PRKCE: variants seen among roughly 807,000 people sequenced by gnomAD.
PRKCE encodes protein kinase C epsilon type.
Under a neutral mutation model 85.4 loss-of-function variants are expected in PRKCE, and 16 were observed. The observed-to-expected ratio is 0.19, with a 90% CI of 0.13 to 0.28. The LOEUF (loss-of-function observed/expected upper bound fraction) is 0.28, where lower values mean the gene tolerates loss of function less well. Among genes scored for constraint, PRKCE ranks in the 10% least tolerant of loss-of-function variants. The pLI is 1.00. For missense variants in PRKCE, 573 were observed against 975.2 expected, an observed-to-expected ratio of 0.59 and a Z score of 5.49; for synonymous variants, 388 against 371.5, an observed-to-expected ratio of 1.04 and a Z score of -0.51.
chr2:45,660,167 T>C (rs1408701057), intron 1 of PRKCE, among the ~76,000 whole-genome samples: 3 of 152,230 alleles, frequency 2.0e-5, no homozygotes, highest in African/African-American at 7.2e-5. Flanking sequence ...AAGTTGTGTA[T>C]GTGTAGTTCC....
At chr2:45,925,863 C>A (rs1698577860) in intron 2 of PRKCE, among the ~76,000 whole-genome samples, 1 of 152,190 alleles carries the variant, frequency 6.6e-6, no homozygotes, top group African/African-American at 2.4e-5. Flanking sequence ...TGAGCTAGGA[C>A]TCAAAGGTTT....
Position 45,884,986 on chromosome 2 carries a change from TA to T in PRKCE, c.412+41924del, listed in dbSNP as rs56354127. 4.1e-3 allele frequency among the ~76,000 whole-genome samples: 364 copies of T among 87,968 alleles called. 24 individuals carry two copies. Among genetic ancestry groups the T allele is most frequent in the Admixed American group, 9.1e-3 (65 of 7,140 alleles). The allele number at this position is 87,968 out of a possible 152,430, so 57.7% of individuals were successfully genotyped here. ...ATATATATATATATATATATATATATATATATATATATATATTTGTTGTTGT... is the reference window on the plus strand; with the variant it reads ...ATATATATATATATATATATATATATTATATATATATATATTTGTTGTTGT... On this transcript the variant is annotated intron_variant, in intron 2 of 14. Coordinates refer to ENST00000306156, the MANE Select transcript of PRKCE (RefSeq NM_005400.3).
At chr2:45,763,867 G>A (rs1558646075) in intron 1 of PRKCE, among the ~76,000 whole-genome samples, 1 of 152,184 alleles carries the variant, frequency 6.6e-6, no homozygotes, top group East Asian at 1.9e-4. Context: ...TGAACAGATT[G>A]GGAGCTTTGG....
chr2:45,763,180 T>C (rs1458494476), intron 1 of PRKCE, among the ~76,000 whole-genome samples: 1 of 152,152 alleles, frequency 6.6e-6, no homozygotes, highest in Non-Finnish European at 1.5e-5. Flanking sequence ...GGTCTTGGTC[T>C]CCTGACCTCG....
chr2:46,169,546 C>T (rs890994448), intron 14 of PRKCE, among the ~76,000 whole-genome samples: 1 of 152,078 alleles, frequency 6.6e-6, no homozygotes, highest in Non-Finnish European at 1.5e-5. Flanking sequence ...AAGAGGGTGG[C>T]AAATGGCTAG....
chr2:45,811,953 A>C (rs7567136), intron 1 of PRKCE, among the ~76,000 whole-genome samples: 138,920 of 152,290 alleles, frequency 0.91, 63,379 homozygotes, highest in Admixed American at 0.93. Context: ...TTTACTCATT[A>C]ATCCATTCAT....
intron 1 of PRKCE, among the ~76,000 whole-genome samples, chr2:45,658,398 G>C (rs910958341): frequency 1.3e-5 from 2 of 152,142 alleles, no homozygotes; most frequent in African/African-American, 2.4e-5. Flanking sequence ...AGCGTTGTTT[G>C]AACTGTTTCT....
intron 1 of PRKCE, among the ~76,000 whole-genome samples, chr2:45,819,520 A>C (rs1423602832): frequency 6.6e-6 from 1 of 152,190 alleles, no homozygotes; most frequent in Non-Finnish European, 1.5e-5. Flanking sequence ...CTGTGGTTTC[A>C]GGGATGATTC....
chr2:45,976,034 C>T (rs1186175748), intron 2 of PRKCE, among the ~76,000 whole-genome samples: 1 of 152,202 alleles, frequency 6.6e-6, no homozygotes, highest in East Asian at 1.9e-4. Context: ...CTCAGATGCT[C>T]AGGGGGAGGA....
intron 1 of PRKCE, among the ~76,000 whole-genome samples, chr2:45,729,194 A>G (rs1039495402): frequency 2.0e-5 from 3 of 152,178 alleles, no homozygotes; most frequent in Non-Finnish European, 4.4e-5. Flanking sequence ...ATACCACGTC[A>G]CTTATACCAG....
chr2:45,903,699 C>T (rs1278446867), intron 2 of PRKCE, among the ~76,000 whole-genome samples: 1 of 152,096 alleles, frequency 6.6e-6, no homozygotes, highest in Non-Finnish European at 1.5e-5. Flanking sequence ...GACACACAGA[C>T]CAGAAAGTGA....
intron 2 of PRKCE, among the ~76,000 whole-genome samples, chr2:45,971,176 C>T (rs1198234177): frequency 6.6e-6 from 1 of 152,126 alleles, no homozygotes; most frequent in Non-Finnish European, 1.5e-5. Flanking sequence ...CCTGATTCCT[C>T]CTTTCTCCCA....
chr2:45,976,301 C>T (rs1374139246), intron 2 of PRKCE, 128 bp from the exon 3 acceptor site: 3 of 1,116,280 alleles, frequency 2.7e-6, no homozygotes, highest in South Asian at 1.5e-5. Flanking sequence ...TCCCTCCACA[C>T]ACAAAGGCTA....
intron 2 of PRKCE, among the ~76,000 whole-genome samples, chr2:45,972,365 A>T (rs995825807): frequency 6.6e-6 from 1 of 152,016 alleles, no homozygotes; most frequent in Non-Finnish European, 1.5e-5. Flanking sequence ...TTGGATATTA[A>T]CCCTTTCTCA....
intron 10 of PRKCE, among the ~76,000 whole-genome samples, chr2:46,014,829 A>G (rs1333832525): frequency 2.0e-5 from 3 of 152,224 alleles, no homozygotes; most frequent in African/African-American, 7.2e-5. Flanking sequence ...GGCATTTGCA[A>G]GAGGGTAGGG....
At chr2:45,800,460 C>T (rs1687772341) in intron 1 of PRKCE, among the ~76,000 whole-genome samples, 2 of 152,224 alleles carry the variant, frequency 1.3e-5, no homozygotes, top group South Asian at 2.1e-4. Flanking sequence ...AGACCTGTGG[C>T]ACCTGGCAGG....
chr2:45,717,840 C>T (rs757234910), intron 1 of PRKCE, among the ~76,000 whole-genome samples: 9 of 152,120 alleles, frequency 5.9e-5, no homozygotes, highest in Non-Finnish European at 8.8e-5. Flanking sequence ...GGGCAGAGGA[C>T]GGGGTAGAGG....
rs1039684422 is a variant in PRKCE at position 45,976,328 on chromosome 2, G to T, written c.413-101G>T. The T allele has an allele frequency of 8.5e-5, 118 of 1,391,902 alleles. 1 individual carries two copies. Among genetic ancestry groups the T allele is most frequent in the Non-Finnish European group, 1.0e-4 (105 of 1,020,990 alleles). 86.2% of individuals were successfully genotyped at this position (1,391,902 alleles called of 1,614,324 possible). ...CAAAGGCTACCTCTCACCCACCCCA[G>T]CTCCACTCCCCCAGGGATGGAGTAG... On this transcript the variant is annotated intron_variant, in intron 2 of 14. Coordinates refer to ENST00000306156, the MANE Select transcript of PRKCE (RefSeq NM_005400.3).
chr2:45,900,662 G>A (rs1203950746), intron 2 of PRKCE, among the ~76,000 whole-genome samples: 1 of 152,204 alleles, frequency 6.6e-6, no homozygotes, highest in African/African-American at 2.4e-5. Flanking sequence ...TTCAGTTTGG[G>A]AAGATGAAAA....
Sources: allele counts gnomAD v4.1 joint callset (sites outside exome capture counted in the v4.1 genomes callset), GRCh38; gene constraint gnomAD v4.1.1; transcripts MANE v1.5; gene names NCBI Gene and HGNC (gene_info 2026-07-23, HGNC 2026-07-21).